Variants in TCF25 observed in about 807,000 individuals in gnomAD.
TCF25 encodes TCF25 ribosome quality control complex subunit.
Under a neutral mutation model 83.1 loss-of-function variants are expected in TCF25, and 41 were observed. The ratio of observed to expected loss-of-function variants is 0.49; its 90% CI spans 0.38 to 0.64. TCF25 has a LOEUF of 0.64. Among genes scored for constraint, TCF25 ranks in the 30% least tolerant of loss-of-function variants. The pLI, the probability that TCF25 is intolerant of heterozygous loss-of-function variation, is 0.00. For synonymous variants in TCF25, 458 were observed against 365.0 expected, an observed-to-expected ratio of 1.25 and a Z score of -2.90; for missense variants, 979 against 914.5, an observed-to-expected ratio of 1.07 and a Z score of -0.91.
intron 12 of TCF25, among the ~76,000 whole-genome samples, chr16:89,901,482 A>G (rs2044327409): frequency 7.7e-6 from 1 of 129,596 alleles, no homozygotes; most frequent in Non-Finnish European, 1.8e-5. Flanking sequence ...GCGGTGGCTC[A>G]CGCCTGTAAT....
intron 15 of TCF25, 84 bp from the exon 16 acceptor site, chr16:89,907,159 G>C: frequency 1.5e-6 from 2 of 1,330,250 alleles, no homozygotes; most frequent in South Asian, 1.2e-5. Context: ...GTCCATGCTG[G>C]AGTCGACAGA....
Position 89,897,769 on chromosome 16 carries a change from CAA to C in TCF25, c.1023-787_1023-786del, listed in dbSNP as rs1412786791. On this transcript the variant is annotated intron_variant, in intron 9 of 17. Transcript: ENST00000263346. Reference sequence around the variant, plus strand: ...GGATAAATTAAGATCGTAATTGTAACAAGAGATTTTAACTCTCTTCCTGTAAA... The same window carrying C: ...GGATAAATTAAGATCGTAATTGTAACGAGATTTTAACTCTCTTCCTGTAAA... 5.3e-5 allele frequency among the ~76,000 whole-genome samples: 8 copies of C among 152,148 alleles called. No individual in the cohort carries two copies. In the East Asian group the frequency reaches 5.8e-4, roughly 11 times the overall value.
At chr16:89,887,098 A>G (rs2043074339) in intron 4 of TCF25, among the ~76,000 whole-genome samples, 1 of 151,792 alleles carries the variant, frequency 6.6e-6, no homozygotes, top group Non-Finnish European at 1.5e-5. Flanking sequence ...CAGTGGTGTG[A>G]TCATAGCCCA....
At chr16:89,890,595 C>T (rs1490585243) in intron 5 of TCF25, 2 of 152,086 alleles carry the variant, frequency 1.3e-5, no homozygotes, top group Non-Finnish European at 2.9e-5. Context: ...TGATGGGTTT[C>T]TTCGGGAATA....
chr16:89,888,359 G>A (rs974765850), intron 5 of TCF25, among the ~76,000 whole-genome samples: 4 of 151,958 alleles, frequency 2.6e-5, no homozygotes, highest in East Asian at 1.9e-4. Context: ...AGGCCAAGGC[G>A]GGCGGATCAC....
At position 89,892,412 on chromosome 16, in the gene TCF25, C is replaced by G. The variant is rs1161609079; in HGVS notation, c.697+137C>G. ...GCGGCGGGGGGGTGTGTTCTGTGCA[C>G]TGGCCTGCGCTGGGCACCAGGGGCG... On this transcript the variant is annotated intron_variant, in intron 6 of 17. Transcript: ENST00000263346. 5.2e-6 allele frequency: 5 copies of G among 965,208 alleles called. No homozygotes were observed. The Admixed American group carries it at 7.6e-5, about 15-fold the overall frequency. The allele number at this position is 965,208 out of a possible 1,614,324, so 59.8% of individuals were successfully genotyped here.
In TCF25 at chr16:89,895,158, C is replaced by G. The variant is rs768489479; in HGVS notation, c.928+21C>G. 1.9e-6 allele frequency: 3 copies of G among 1,606,104 alleles called. No individual in the cohort carries two copies. In the African/African-American group the frequency reaches 4.0e-5, roughly 21 times the overall value. ...CGTAGGTAAGGCAGAGCCCCCACCCCATTCCCCTCAGCTGTGGGAGCACCT... is the reference window on the plus strand; with the variant it reads ...CGTAGGTAAGGCAGAGCCCCCACCCGATTCCCCTCAGCTGTGGGAGCACCT... On this transcript the variant is annotated intron_variant, in intron 8 of 17. Coordinates refer to ENST00000263346, the MANE Select transcript of TCF25 (RefSeq NM_014972.3).
intron 16 of TCF25, chr16:89,910,329 C>T (rs2045452169): frequency 3.7e-6 from 2 of 546,392 alleles, no homozygotes; most frequent in Non-Finnish European, 3.3e-6. Context: ...GGGAGCCTCG[C>T]TCCGGACGCC....
intron 5 of TCF25, chr16:89,889,443 C>G (rs1055812046): frequency 1.3e-5 from 3 of 233,836 alleles, no homozygotes; most frequent in Non-Finnish European, 2.5e-5. Context: ...TCCTAAAGTG[C>G]TAGGATTACA....
intron 15 of TCF25, among the ~76,000 whole-genome samples, chr16:89,906,901 C>G (rs563422559): frequency 6.6e-6 from 1 of 152,078 alleles, no homozygotes; most frequent in Non-Finnish European, 1.5e-5. Context: ...GTCCCTGTAG[C>G]CTGCATTTGC....
At chr16:89,878,627 G>C (rs2042370729) in intron 1 of TCF25, 1 of 1,135,976 alleles carries the variant, frequency 8.8e-7, no homozygotes, top group Admixed American at 4.3e-5. Context: ...ACAGCTTTTG[G>C]GTAGGTAATA....
At position 89,887,833 on chromosome 16, in the gene TCF25, G is replaced by A. The variant is rs2043132798; in HGVS notation, c.614+116G>A. ...TTGAGGGAGAGTATTTAAAGCCAGA[G>A]TGCACACGTAACCCTTAGAATTGGG... is the stretch of plus-strand genomic sequence containing the variant. On this transcript the variant is annotated intron_variant, in intron 5 of 17. Transcript: ENST00000263346. The A allele has an allele frequency of 7.6e-6, 7 of 922,388 alleles. No homozygotes were observed. The South Asian group carries it at 1.3e-4, about 17-fold the overall frequency. The allele number at this position is 922,388 out of a possible 1,614,324, so 57.1% of individuals were successfully genotyped here. A position where few individuals can be genotyped will look rare whatever the true frequency, so the allele number is the denominator to read the frequency against.
At chr16:89,903,488 C>T (rs906704680) in intron 12 of TCF25, among the ~76,000 whole-genome samples, 7 of 151,928 alleles carry the variant, frequency 4.6e-5, no homozygotes, top group Non-Finnish European at 1.0e-4. Flanking sequence ...CTGGTCAACA[C>T]GGTGAAACCC....
At chr16:89,886,385 G>T (rs1253681970) in intron 4 of TCF25, among the ~76,000 whole-genome samples, 1 of 152,016 alleles carries the variant, frequency 6.6e-6, no homozygotes, top group Non-Finnish European at 1.5e-5. Context: ...TCGAGATTGT[G>T]CCACTGCACT....
At chr16:89,891,320 A>C (rs1276613486) in intron 5 of TCF25, among the ~76,000 whole-genome samples, 1 of 152,200 alleles carries the variant, frequency 6.6e-6, no homozygotes, top group Non-Finnish European at 1.5e-5. Flanking sequence ...GGCGTGTGCT[A>C]CAGGCAGGAG....
intron 8 of TCF25, among the ~76,000 whole-genome samples, chr16:89,895,390 T>C (rs970375810): frequency 2.6e-5 from 4 of 152,148 alleles, no homozygotes; most frequent in Non-Finnish European, 4.4e-5. Flanking sequence ...GTATTTTTAG[T>C]AGAGATGGGG....
At chr16:89,905,184 G>T (rs2044675505) in intron 14 of TCF25, 88 bp downstream of exon 14, 16 of 1,450,646 alleles carry the variant, frequency 1.1e-5, no homozygotes, top group Non-Finnish European at 1.4e-5. Context: ...CGGGAGGCGA[G>T]AAGGGCTGTG....
chr16:89,906,281 C>T lies in TCF25; in HGVS notation c.1716C>T (p.Pro572=), dbSNP rs762513563. 6 of 1,612,804 alleles carry T rather than the reference C, an allele frequency of 3.7e-6. No individual in the cohort carries two copies. Among genetic ancestry groups the T allele is most frequent in the African/African-American group, 2.7e-5 (2 of 74,926 alleles). Residue 572 remains proline (P), a synonymous_variant, in exon 15 of 18, where the codon CCC becomes CCT. Transcript: ENST00000263346. ...TCAAGGAAGCCGTCGCTGCCCTGCC[C>T]CCGGTAAGGGAGAAAGGCTGAAATG... is the stretch of plus-strand genomic sequence containing the variant. The part of the protein sequence containing the change: ...SEIKEAVAAL[P]PDVTTQSVMG...
chr16:89,896,225 C>A, intron 9 of TCF25, 142 bp downstream of exon 9: 1 of 674,824 alleles, frequency 1.5e-6, no homozygotes, highest in Non-Finnish European at 2.5e-6. Context: ...ACCTTCCTCT[C>A]TCTGGGCTTA....
Sources: allele counts gnomAD v4.1 joint callset (sites outside exome capture counted in the v4.1 genomes callset), GRCh38; gene constraint gnomAD v4.1.1; transcripts MANE v1.5; gene names NCBI Gene and HGNC (gene_info 2026-07-23, HGNC 2026-07-21).